Variants in ZNF518A observed in about 807,000 individuals in gnomAD.
ZNF518A encodes zinc finger protein 518A.
A neutral mutation model predicts 102.7 loss-of-function variants in ZNF518A; 47 were observed. That is an observed-to-expected ratio of 0.46 (90% CI 0.36 to 0.58). The LOEUF (loss-of-function observed/expected upper bound fraction) is 0.58, where lower values mean the gene tolerates loss of function less well. ZNF518A is among the 20% of genes least tolerant of loss of function. ZNF518A has a pLI of 0.00. For missense variants in ZNF518A, 1,793 were observed against 1,699.8 expected, an observed-to-expected ratio of 1.05 and a Z score of -0.96; for synonymous variants, 652 against 594.6, an observed-to-expected ratio of 1.10 and a Z score of -1.40.
intron 3 of ZNF518A, among the ~76,000 whole-genome samples, chr10:96,135,622 A>G (rs1203606049): frequency 1.3e-5 from 2 of 152,234 alleles, no homozygotes; most frequent in African/African-American, 4.8e-5. Context: ...AGGCAAGATT[A>G]TATGTACTAG....
chr10:96,198,066 A>G (rs1356739918), intron 1 of ZNF518A, among the ~76,000 whole-genome samples: 4 of 152,030 alleles, frequency 2.6e-5, no homozygotes, highest in Admixed American at 2.0e-4. Flanking sequence ...ATGAAATGCA[A>G]CAAGAGTTGA....
chr10:96,198,899 A>C (rs1554895337), intron 1 of ZNF518A, among the ~76,000 whole-genome samples: 1 of 152,204 alleles, frequency 6.6e-6, no homozygotes, highest in Non-Finnish European at 1.5e-5. Context: ...AGGTTTTGCC[A>C]TCTTGGCCAG....
intron 1 of ZNF518A, among the ~76,000 whole-genome samples, chr10:96,186,395 A>G (rs2083272045): frequency 6.6e-6 from 1 of 152,120 alleles, no homozygotes; most frequent in African/African-American, 2.4e-5. Context: ...GAACAATAAC[A>G]TAAAGTAGGT....
chr10:96,153,820 G>A (rs192641651), intron 3 of ZNF518A, among the ~76,000 whole-genome samples: 24 of 152,266 alleles, frequency 1.6e-4, no homozygotes, highest in Admixed American at 1.4e-3. Flanking sequence ...GAAATACTGA[G>A]TTTCCATCTC....
In ZNF518A at chr10:96,159,993, T is replaced by G; in HGVS notation, c.3671T>G (p.Val1224Gly). Reference sequence around the variant, plus strand: ...GAATCTTCTGAGGAACCAATATGTGTCAGTGACTGTTCAGAGTCCAGGGTA... The same window carrying G: ...GAATCTTCTGAGGAACCAATATGTGGCAGTGACTGTTCAGAGTCCAGGGTA... The part of the protein sequence containing the change: ...CPESSEEPIC[V>G]SDCSESRVLR... The change falls in exon 6 of 6, where the codon GTC becomes GGC. Residue 1224 changes from valine (V) to glycine (G), a missense_variant. Physicochemically the swap from Val to Gly is moderately radical, Grantham distance 109. This residue lies in a region of ZNF518A where 1,741 missense variants were observed against 1,622.6 expected (regional missense o/e 1.07). Transcript: ENST00000316045. The G allele has an allele frequency of 6.2e-7, 1 of 1,613,604 alleles. No homozygotes were observed. The highest frequency in any genetic ancestry group is 8.5e-7 in the Non-Finnish European group (1 of 1,179,700).
intron 3 of ZNF518A, among the ~76,000 whole-genome samples, chr10:96,137,404 T>C (rs782460757): frequency 2.0e-5 from 3 of 152,246 alleles, no homozygotes; most frequent in Non-Finnish European, 4.4e-5. Context: ...TTGTCTGCAC[T>C]GCATCACTAC....
At chr10:96,164,717 T>A (rs587693469), downstream of ZNF518A, among the ~76,000 whole-genome samples, 1 of 152,280 alleles carries the variant, frequency 6.6e-6, no homozygotes, top group African/African-American at 2.4e-5. Flanking sequence ...GTGGAAAAAA[T>A]ATAATGTACA....
chr10:96,134,521 A>G (rs899495737), intron 3 of ZNF518A, among the ~76,000 whole-genome samples: 2 of 152,216 alleles, frequency 1.3e-5, no homozygotes, highest in African/African-American at 4.8e-5. Context: ...GGGGTGAGCC[A>G]CTGCTCCCGG....
chr10:96,194,831 C>T (rs987007891), intron 1 of ZNF518A, among the ~76,000 whole-genome samples: 3 of 135,414 alleles, frequency 2.2e-5, no homozygotes, highest in Non-Finnish European at 3.1e-5. Context: ...AGTGCAGTGG[C>T]GCGATCTCGA....
chr10:96,144,035 G>C (rs1737322033), intron 3 of ZNF518A, among the ~76,000 whole-genome samples: 2 of 152,088 alleles, frequency 1.3e-5, no homozygotes, highest in Admixed American at 6.6e-5. Flanking sequence ...ACCTAGGCTG[G>C]AGTGCAGTAG....
chr10:96,203,186 T>C (rs2083695090), intron 1 of ZNF518A, among the ~76,000 whole-genome samples: 1 of 152,220 alleles, frequency 6.6e-6, no homozygotes, highest in African/African-American at 2.4e-5. Context: ...AACAACTGAA[T>C]GAATGACTTG....
chr10:96,181,396 T>C (rs1208279496), intron 1 of ZNF518A, among the ~76,000 whole-genome samples: 1 of 152,144 alleles, frequency 6.6e-6, no homozygotes, highest in African/African-American at 2.4e-5. Context: ...TTGCTTTTGG[T>C]GTTTTAGTCA....
chr10:96,198,971 T>C (rs112433512), intron 1 of ZNF518A, among the ~76,000 whole-genome samples: 2 of 152,312 alleles, frequency 1.3e-5, no homozygotes, highest in African/African-American at 4.8e-5. Flanking sequence ...AGTGCTAGGA[T>C]TACAGGCATA....
intron 3 of ZNF518A, among the ~76,000 whole-genome samples, chr10:96,142,586 T>G (rs2081990225): frequency 1.3e-5 from 1 of 75,186 alleles, no homozygotes; most frequent in African/African-American, 3.3e-5. Flanking sequence ...AGTTTTTAGT[T>G]TTTTTTTGGT....
At chr10:96,137,311 G>A (rs1244424457) in intron 3 of ZNF518A, among the ~76,000 whole-genome samples, 4 of 151,930 alleles carry the variant, frequency 2.6e-5, no homozygotes, top group Admixed American at 2.6e-4. Flanking sequence ...CAGTCATACT[G>A]TAATTCCTCC....
Position 96,200,903 on chromosome 10 carries a change from A to T in ZNF518A, n.36-2671A>T. On this transcript the variant is annotated intron_variant and non_coding_transcript_variant, in intron 1 of 2. Transcript: ENST00000442635. The surrounding 1 kb of genome is among the most constrained non-coding windows in gnomAD (Gnocchi z 4.3). ...TCTCTGTTCTCAAGGTTCACTCCAAATGTCTTCTTCTCAGAAGACATGCTC... is the reference window on the plus strand; with the variant it reads ...TCTCTGTTCTCAAGGTTCACTCCAATTGTCTTCTTCTCAGAAGACATGCTC... 1 of 1,295,436 alleles carries T rather than the reference A, an allele frequency of 7.7e-7. No homozygotes were observed. Among genetic ancestry groups the T allele is most frequent in the South Asian group, 1.2e-5 (1 of 84,556 alleles). The allele number at this position is 1,295,436 out of a possible 1,614,324, so 80.2% of individuals were successfully genotyped here. A position where few individuals can be genotyped will look rare whatever the true frequency, so the allele number is the denominator to read the frequency against.
Position 96,159,362 on chromosome 10 carries a change from T to C in ZNF518A, c.3040T>C (p.Leu1014=). 1 of 1,613,828 alleles carries C rather than the reference T, an allele frequency of 6.2e-7. No homozygotes were observed. The highest frequency in any genetic ancestry group is 1.1e-5 in the South Asian group (1 of 91,070). ...VTKEPCKTPI[L]KVEPNNNCLT... ...TAAGGAGCCTTGCAAAACACCTATT[T>C]TGAAGGTAGAACCAAACAATAATTG... is the stretch of plus-strand genomic sequence containing the variant. The change falls in exon 6 of 6, where the codon TTG becomes CTG. Residue 1014 remains leucine, a synonymous_variant. Coordinates refer to ENST00000316045, the MANE Select transcript of ZNF518A (RefSeq NM_001330736.2).
downstream of ZNF518A, among the ~76,000 whole-genome samples, chr10:96,163,987 A>G (rs782551550): frequency 5.3e-5 from 8 of 152,232 alleles, no homozygotes; most frequent in Non-Finnish European, 1.0e-4. Context: ...AAATGTAATG[A>G]AAATGGTTAG....
chr10:96,183,291 G>GT (rs1266324013), intron 1 of ZNF518A, among the ~76,000 whole-genome samples: 1 of 152,042 alleles, frequency 6.6e-6, no homozygotes, highest in African/African-American at 2.4e-5. Context: ...TTCTTTGAAG[G>GT]TTTTTTTGTG....
Sources: allele counts gnomAD v4.1 joint callset (sites outside exome capture counted in the v4.1 genomes callset), GRCh38; gene constraint gnomAD v4.1.1; regional missense constraint gnomAD v4.1.1; non-coding constraint Gnocchi (gnomAD v3.1); transcripts MANE v1.5; gene names NCBI Gene and HGNC (gene_info 2026-07-23, HGNC 2026-07-21).